Variants in HNRNPC observed in about 807,000 individuals in gnomAD.
HNRNPC encodes heterogeneous nuclear ribonucleoprotein C.
Under a neutral mutation model 33.2 loss-of-function variants are expected in HNRNPC, and 3 were observed. The observed-to-expected ratio is 0.09, with a 90% CI of 0.04 to 0.23. HNRNPC has a LOEUF of 0.23. HNRNPC is among the 10% of genes least tolerant of loss of function. The pLI, the probability that HNRNPC is intolerant of heterozygous loss-of-function variation, is 1.00. For missense variants in HNRNPC, 143 were observed against 366.7 expected (o/e 0.39, Z 4.98); for synonymous variants, 121 against 126.7 (o/e 0.96, Z 0.30).
chr14:21,223,100 G>A lies in HNRNPC; in HGVS notation c.365+7219C>T, dbSNP rs575965330. ...GCATGCCTGTAATCCCAGCTACTCC[G>A]GAAGCTGAGCCAGAAGAATCACTTG... On this transcript the variant is annotated intron_variant, in intron 5 of 8. Transcript: ENST00000553300. 9.2e-5 allele frequency among the ~76,000 whole-genome samples: 14 copies of A among 152,130 alleles called. No homozygotes were observed. In the South Asian group the frequency reaches 1.7e-3, roughly 18 times the overall value.
intron 5 of HNRNPC, among the ~76,000 whole-genome samples, chr14:21,219,524 T>C (rs1230057582): frequency 6.6e-6 from 1 of 152,246 alleles, no homozygotes. Context: ...ATTCTCATAC[T>C]ACTTCAACTA....
chr14:21,218,432 T>A (rs1004730851), intron 5 of HNRNPC, among the ~76,000 whole-genome samples: 6 of 152,032 alleles, frequency 3.9e-5, no homozygotes, highest in Non-Finnish European at 1.5e-5. Context: ...ATGCCTGTAA[T>A]CCCAGCACTT....
chr14:21,263,930 TGGTA>T (rs1878576365), intron 1 of HNRNPC: 1 of 152,194 alleles, frequency 6.6e-6, no homozygotes, highest in Non-Finnish European at 1.5e-5. Flanking sequence ...TAACACATTT[TGGTA>T]AAGCATTAAC....
intron 1 of HNRNPC, among the ~76,000 whole-genome samples, chr14:21,267,095 C>CAAAAAAA (rs56203257): frequency 1.3e-3 from 134 of 104,076 alleles, no homozygotes; most frequent in Admixed American, 3.3e-3. Context: ...GACTCCGTCT[C>CAAAAAAA]AAAAAAAAAA....
chr14:21,230,518 T>C, intron 4 of HNRNPC, 152 bp from the exon 5 acceptor site: 1 of 623,202 alleles, frequency 1.6e-6, no homozygotes, highest in Admixed American at 2.8e-5. Context: ...AATAAATCAC[T>C]CAATTCCAAT....
chr14:21,267,095 CAAAAAAAAAAAAAAAAAAAAA>C (rs56203257), intron 1 of HNRNPC, among the ~76,000 whole-genome samples: 49 of 104,120 alleles, frequency 4.7e-4, no homozygotes, highest in African/African-American at 1.7e-3. Context: ...GACTCCGTCT[CAAAAAAAAAAAAAAAAAAAAA>C]AAAAAAAAAA....
intron 2 of HNRNPC, among the ~76,000 whole-genome samples, chr14:21,253,951 C>A (rs1442444460): frequency 2.7e-5 from 4 of 150,570 alleles, no homozygotes; most frequent in African/African-American, 9.9e-5. Context: ...ACCTATAGTC[C>A]CAGCTACTCA....
Position 21,222,924 on chromosome 14 carries a change from G to T in HNRNPC, c.365+7395C>A, listed in dbSNP as rs138931544. On this transcript the variant is annotated intron_variant, in intron 5 of 8. Coordinates refer to ENST00000553300, the MANE Select transcript of HNRNPC (RefSeq NM_004500.4). ...AAAACCAAAACAAAAACACCAGCTG[G>T]GCGTGATGGCTCACGCCTGTAATCC... Among the ~76,000 whole-genome samples, 1,055 of 151,672 alleles carry T rather than the reference G, an allele frequency of 7.0e-3. 7 individuals are homozygous for T. The highest frequency in any genetic ancestry group is 0.011 in the Non-Finnish European group (772 of 67,920).
Position 21,214,704 on chromosome 14 carries a change from CCATTTTGACATAAAGCTTTTGGT to C in HNRNPC, c.366-1610_366-1588del, listed in dbSNP as rs1355423524. On this transcript the variant is annotated intron_variant, in intron 5 of 8. Coordinates refer to ENST00000553300, the MANE Select transcript of HNRNPC (RefSeq NM_004500.4). ...GTAACTTTTTATTATCACTACTTTC[CCATTTTGACATAAAGCTTTTGGT>C]CTTTTTGACCAAAATCTTGCAAAGT... Among the ~76,000 whole-genome samples, 5 of 152,140 alleles carry C rather than the reference CCATTTTGACATAAAGCTTTTGGT, an allele frequency of 3.3e-5. No homozygotes were observed. The East Asian group carries it at 5.8e-4, about 18-fold the overall frequency.
intron 1 of HNRNPC, among the ~76,000 whole-genome samples, chr14:21,267,775 C>G (rs936866089): frequency 1.3e-5 from 2 of 152,068 alleles, no homozygotes; most frequent in Non-Finnish European, 2.9e-5. Context: ...GAAAAGTGCC[C>G]GTCAATCAAT....
intron 2 of HNRNPC, among the ~76,000 whole-genome samples, chr14:21,261,329 T>C (rs982580034): frequency 2.6e-5 from 4 of 152,176 alleles, no homozygotes; most frequent in African/African-American, 9.7e-5. Flanking sequence ...ACTGAACCTA[T>C]AGTGAACAGC....
chr14:21,245,608 T>C (rs961297291), intron 2 of HNRNPC, among the ~76,000 whole-genome samples: 2 of 152,176 alleles, frequency 1.3e-5, no homozygotes, highest in Admixed American at 6.6e-5. Flanking sequence ...GAGTGGTGGG[T>C]TTGAAGCCCT....
chr14:21,224,729 T>C (rs1357954587), intron 5 of HNRNPC, among the ~76,000 whole-genome samples: 3 of 151,920 alleles, frequency 2.0e-5, no homozygotes, highest in African/African-American at 7.3e-5. Flanking sequence ...ACAACTAACA[T>C]TCTTTACAAT....
At chr14:21,231,446 T>A (rs937830101) in intron 3 of HNRNPC, 6 of 454,846 alleles carry the variant, frequency 1.3e-5, no homozygotes, top group Admixed American at 4.7e-5. Context: ...AGCCTAGACC[T>A]CCGAAGCTCA....
chr14:21,230,769 C>A (rs985124171), intron 4 of HNRNPC: 4 of 525,536 alleles, frequency 7.6e-6, no homozygotes, highest in African/African-American at 5.8e-5. Context: ...TAGCAAAAAC[C>A]TCAGGGATTT....
intron 2 of HNRNPC, among the ~76,000 whole-genome samples, chr14:21,254,901 AAC>A (rs1876887324): frequency 6.6e-6 from 1 of 151,506 alleles, no homozygotes; most frequent in Non-Finnish European, 1.5e-5. Flanking sequence ...CAGCCTGGGC[AAC>A]AGAGCGAGAC....
At chr14:21,226,890 AAAAAAGG>A (rs1268052296) in intron 5 of HNRNPC, among the ~76,000 whole-genome samples, 17 of 108,978 alleles carry the variant, frequency 1.6e-4, no homozygotes, top group African/African-American at 6.2e-4. Context: ...AAAAAAAAAA[AAAAAAGG>A]GGGGGGGGGG....
At chr14:21,244,758 T>C (rs1296766625) in intron 2 of HNRNPC, among the ~76,000 whole-genome samples, 2 of 152,196 alleles carry the variant, frequency 1.3e-5, no homozygotes, top group Non-Finnish European at 2.9e-5. Context: ...ACACCTAGCC[T>C]GTATCGTATA....
At chr14:21,259,332 G>A (rs567967056) in intron 2 of HNRNPC, among the ~76,000 whole-genome samples, 2 of 151,914 alleles carry the variant, frequency 1.3e-5, no homozygotes, top group South Asian at 2.1e-4. Context: ...TTCCTTCATC[G>A]ATCCTTACTG....
Sources: gnomAD v4.1 joint callset for allele counts (sites outside exome capture counted in the v4.1 genomes callset) on GRCh38, gnomAD v4.1.1 for gene constraint, MANE v1.5 for transcripts, NCBI Gene and HGNC (gene_info 2026-07-23, HGNC 2026-07-21) for gene names.